Variants in APAF1 observed in about 807,000 individuals in gnomAD.
APAF1 encodes apoptotic protease-activating factor 1.
APAF1 carries 91 observed loss-of-function variants against 152.4 expected under a neutral mutation model. The ratio of observed to expected loss-of-function variants is 0.60; its 90% CI spans 0.50 to 0.71. APAF1 has a LOEUF of 0.71. Ranked by LOEUF, APAF1 falls within the 30% of genes least tolerant of loss-of-function variation. APAF1 has a pLI of 0.00. For missense variants in APAF1, 1,283 were observed against 1,472.0 expected (o/e 0.87, Z 2.10); for synonymous variants, 484 against 494.1 (o/e 0.98, Z 0.27).
chr12:98,703,525 A>C (rs1565884806), intron 18 of APAF1, 26 bp downstream of exon 18: 1 of 1,613,944 alleles, frequency 6.2e-7, no homozygotes, highest in Admixed American at 1.7e-5. Flanking sequence ...TATTCTGTGA[A>C]GCCTGGGTTT....
chr12:98,732,493 T>G lies in APAF1; in HGVS notation c.3674T>G (p.Val1225Gly). The G allele has an allele frequency of 1.3e-6, 2 of 1,599,674 alleles. No individual in the cohort carries two copies. The highest frequency in any genetic ancestry group is 1.7e-6 in the Non-Finnish European group (2 of 1,166,816). The change falls in exon 27 of 27, where the codon GTG becomes GGG. Residue 1225 changes from valine (V) to glycine (G), a missense_variant. Transcript: ENST00000551964. Reference protein sequence around the residue: ...TNGTNLKKIHVSPDFKTYVTV... With the variant: ...TNGTNLKKIHGSPDFKTYVTV... ...GGAACCAATCTTAAGAAAATACACG[T>G]GTCCCCTGACTTCAAAACATATGTG...
At chr12:98,677,736 A>G (rs2097688096) in intron 13 of APAF1, among the ~76,000 whole-genome samples, 185 bp downstream of exon 13, 1 of 152,200 alleles carries the variant, frequency 6.6e-6, no homozygotes, top group Admixed American at 6.5e-5. Flanking sequence ...ATGTTTTCCT[A>G]ATTCTAAACT....
At position 98,662,788 on chromosome 12, in the gene APAF1, A is replaced by G. The variant is rs192898520; in HGVS notation, c.937A>G (p.Ile313Val). 54 of 1,609,682 alleles carry G rather than the reference A, an allele frequency of 3.4e-5. No individual in the cohort carries two copies. In the East Asian group the frequency reaches 7.8e-4, roughly 23 times the overall value. ...AGATTTGCCAGAACAAGCTCATAGT[A>G]TTATAAAAGAATGTAAAGGTATGGT... ...KADLPEQAHSIIKECKGSPLV... is the reference protein window; with the variant it reads ...KADLPEQAHSVIKECKGSPLV... The change falls in exon 7 of 27, where the codon ATT becomes GTT. Residue 313 changes from isoleucine to valine, a missense_variant. By Grantham distance (29) the Ile-to-Val change is conservative. Transcript: ENST00000551964.
At position 98,677,321 on chromosome 12, in the gene APAF1, G is replaced by A. The variant is rs188957525; in HGVS notation, c.1794-104G>A. ...CTGATTTTAAGAATTTTGTATTTTG[G>A]GGAACATAACCATGTTAAAAGACAG... is the stretch of plus-strand genomic sequence containing the variant. On this transcript the variant is annotated intron_variant, in intron 12 of 26. Transcript: ENST00000551964. The A allele has an allele frequency of 4.0e-4, 478 of 1,181,426 alleles. 1 individual carries two copies. In the African/African-American group the frequency reaches 6.7e-3, roughly 16 times the overall value. 73.2% of individuals were successfully genotyped at this position (1,181,426 alleles called of 1,614,324 possible). A position where few individuals can be genotyped will look rare whatever the true frequency, so the allele number is the denominator to read the frequency against.
At chr12:98,663,727 C>T (rs975717766) in intron 7 of APAF1, among the ~76,000 whole-genome samples, 6 of 151,618 alleles carry the variant, frequency 4.0e-5, no homozygotes, top group Non-Finnish European at 7.4e-5. Flanking sequence ...GGCGTGATCT[C>T]GGCTCACTGC....
chr12:98,649,757 G>T (rs1026029147), intron 4 of APAF1, 73 bp downstream of exon 4: 7 of 1,313,438 alleles, frequency 5.3e-6, no homozygotes, highest in African/African-American at 1.5e-5. Flanking sequence ...ATATCAATAC[G>T]TGATAAATTG....
At chr12:98,665,449 C>T (rs954921120) in intron 7 of APAF1, 104 bp from the exon 8 acceptor site, 33 of 824,670 alleles carry the variant, frequency 4.0e-5, no homozygotes, top group Non-Finnish European at 6.5e-5. Flanking sequence ...CTTTTGATAA[C>T]ATGCAGCAGA....
chr12:98,732,823 T>C lies in APAF1; in HGVS notation c.*257T>C, dbSNP rs1483859332. 1.2e-5 allele frequency: 5 copies of C among 419,236 alleles called. No individual in the cohort carries two copies. Among genetic ancestry groups the C allele is most frequent in the Non-Finnish European group, 2.2e-5 (5 of 231,196 alleles). 26.0% of individuals were successfully genotyped at this position (419,236 alleles called of 1,614,324 possible). A position where few individuals can be genotyped will look rare whatever the true frequency, so the allele number is the denominator to read the frequency against. On this transcript the variant is annotated 3_prime_UTR_variant, in exon 27 of 27. Coordinates refer to ENST00000551964, the MANE Select transcript of APAF1 (RefSeq NM_181861.2). ...AATGAAAATGTGAATACATACCTTG[T>C]TGTACTGTTGGTAAAATTCTGTCTT...
intron 25 of APAF1, among the ~76,000 whole-genome samples, chr12:98,725,882 G>A (rs1181308158): frequency 6.6e-6 from 1 of 152,180 alleles, no homozygotes; most frequent in Admixed American, 6.5e-5. Flanking sequence ...AAATAATTTT[G>A]TAAATTATGG....
At chr12:98,647,507 G>T (rs1049645453) in intron 1 of APAF1, among the ~76,000 whole-genome samples, 18 of 151,770 alleles carry the variant, frequency 1.2e-4, no homozygotes, top group African/African-American at 4.4e-4. Context: ...CGAGCAGCTG[G>T]GATTACAGGC....
At chr12:98,725,157 AT>A (rs1416020998) in intron 24 of APAF1, among the ~76,000 whole-genome samples, 1 of 152,186 alleles carries the variant, frequency 6.6e-6, no homozygotes, top group Non-Finnish European at 1.5e-5. Flanking sequence ...CTCTTAGCTG[AT>A]TCAGTGTTCT....
chr12:98,696,049 G>A (rs906192428), intron 16 of APAF1, among the ~76,000 whole-genome samples: 4 of 152,170 alleles, frequency 2.6e-5, no homozygotes, highest in African/African-American at 7.2e-5. Flanking sequence ...GGATTATGCC[G>A]AGAGAAAAAT....
At chr12:98,646,444 C>A (rs1371373653) in intron 1 of APAF1, among the ~76,000 whole-genome samples, 2 of 152,220 alleles carry the variant, frequency 1.3e-5, no homozygotes, top group African/African-American at 2.4e-5. Flanking sequence ...CCAAGTGCTA[C>A]ATTTGGTGAC....
At chr12:98,696,980 C>T (rs1487500606) in intron 16 of APAF1, among the ~76,000 whole-genome samples, 1 of 152,146 alleles carries the variant, frequency 6.6e-6, no homozygotes, top group Admixed American at 6.5e-5. Context: ...AAATCATAAA[C>T]GTATGAAGAC....
intron 12 of APAF1, 97 bp downstream of exon 12, chr12:98,671,816 C>A: frequency 8.4e-7 from 1 of 1,195,750 alleles, no homozygotes; most frequent in Non-Finnish European, 1.2e-6. Context: ...GATTTAACTA[C>A]TTTCGAAAGG....
In APAF1 at chr12:98,665,655, T is replaced by A; in HGVS notation, c.1058T>A (p.Ile353Lys). The part of the protein sequence containing the change: ...KQLQNKQFKR[I>K]RKSSSYDYEA... ...CTTCAGAATAAGCAGTTTAAGAGAA[T>A]AAGGAAATCTTCGTCTTATGATTAT... The change falls in exon 8 of 27, where the codon ATA (isoleucine) becomes AAA (lysine). Residue 353 changes from isoleucine (I) to lysine (K), a missense_variant. By Grantham distance (102) the Ile-to-Lys change is moderately radical. Coordinates refer to ENST00000551964, the MANE Select transcript of APAF1 (RefSeq NM_181861.2). 6.2e-7 allele frequency: 1 copy of A among 1,614,004 alleles called. No homozygotes were observed. Among genetic ancestry groups the A allele is most frequent in the Non-Finnish European group, 8.5e-7 (1 of 1,179,928 alleles).
chr12:98,667,401 C>T (rs1016193326), intron 9 of APAF1, 112 bp from the exon 10 acceptor site: 2 of 1,338,724 alleles, frequency 1.5e-6, no homozygotes, highest in Non-Finnish European at 2.1e-6. Context: ...CAGGCGTGAG[C>T]CACCGAGCCC....
intron 21 of APAF1, among the ~76,000 whole-genome samples, chr12:98,713,474 G>C (rs887012322): frequency 2.0e-5 from 3 of 152,182 alleles, no homozygotes; most frequent in African/African-American, 4.8e-5. Flanking sequence ...AATCCTTGCT[G>C]TTCTACTTTT....
At chr12:98,651,623 A>G (rs1017021269) in intron 4 of APAF1, among the ~76,000 whole-genome samples, 1 of 152,106 alleles carries the variant, frequency 6.6e-6, no homozygotes, top group African/African-American at 2.4e-5. Flanking sequence ...TTTCTTGGGT[A>G]TTTGTAGCTA....
Sources: allele counts gnomAD v4.1 joint callset (sites outside exome capture counted in the v4.1 genomes callset), GRCh38; gene constraint gnomAD v4.1.1; transcripts MANE v1.5; gene names NCBI Gene and HGNC (gene_info 2026-07-23, HGNC 2026-07-21).